ZNF236: variants seen among roughly 807,000 people sequenced by gnomAD.
ZNF236 encodes the protein zinc finger protein 236, also known as regulated by glucose.
Under a neutral mutation model 191.2 loss-of-function variants are expected in ZNF236, and 50 were observed. That is an observed-to-expected ratio of 0.26 (90% CI 0.21 to 0.33). The LOEUF is 0.33. ZNF236 is among the 10% of genes least tolerant of loss of function. The pLI is 1.00. For missense variants in ZNF236, 1,754 were observed against 2,374.5 expected (o/e 0.74, Z 5.43); for synonymous variants, 907 against 928.8 (o/e 0.98, Z 0.43).
intron 14 of ZNF236, among the ~76,000 whole-genome samples, chr18:76,909,384 A>G (rs1967155375): frequency 6.6e-6 from 1 of 151,188 alleles, no homozygotes; most frequent in Admixed American, 6.6e-5. Flanking sequence ...GTGACCTTTT[A>G]TCCCCGGTAT....
At chr18:76,860,203 G>A (rs1390927426) in intron 3 of ZNF236, among the ~76,000 whole-genome samples, 2 of 152,144 alleles carry the variant, frequency 1.3e-5, no homozygotes, top group Non-Finnish European at 2.9e-5. Flanking sequence ...CCTCTGTTAG[G>A]ATGACACAGG....
At chr18:76,918,625 G>C (rs1311685761) in intron 19 of ZNF236, among the ~76,000 whole-genome samples, 1 of 152,106 alleles carries the variant, frequency 6.6e-6, no homozygotes, top group Non-Finnish European at 1.5e-5. Flanking sequence ...ACGGGGTCTT[G>C]CTCTGTTGCC....
rs144300254 is a variant in ZNF236, at chr18:76,847,756, G to A, written c.56-1770G>A. Among the ~76,000 whole-genome samples the A allele has an allele frequency of 7.3e-3, 1,114 of 152,316 alleles. 12 individuals carry two copies. Among genetic ancestry groups the A allele is most frequent in the African/African-American group, 0.025 (1,041 of 41,570 alleles). On this transcript the variant is annotated intron_variant, in intron 1 of 30. Transcript: ENST00000320610. ...CTCCCAAAGTGCTGGGACTACAGGCGTGAGCCCCTCCGCCCGGCCCCAGCA... is the reference window on the plus strand; with the variant it reads ...CTCCCAAAGTGCTGGGACTACAGGCATGAGCCCCTCCGCCCGGCCCCAGCA...
intron 14 of ZNF236, among the ~76,000 whole-genome samples, chr18:76,909,264 G>A (rs914155584): frequency 4.8e-5 from 7 of 145,932 alleles, no homozygotes; most frequent in Non-Finnish European, 7.4e-5. Context: ...GCAGTGAGCC[G>A]AGATGGCGCC....
In ZNF236 at chr18:76,912,260, A is replaced by C. The variant is rs754985020; in HGVS notation, c.2822A>C (p.Gln941Pro). 3.7e-6 allele frequency: 6 copies of C among 1,613,938 alleles called. No individual in the cohort carries two copies. Among genetic ancestry groups the C allele is most frequent in the Non-Finnish European group, 4.2e-6 (5 of 1,179,932 alleles). Residue 941 changes from glutamine to proline, a missense_variant, in exon 17 of 31, where the codon CAG (glutamine) becomes CCG (proline). Physicochemically the swap from Gln to Pro is moderately conservative, Grantham distance 76. Transcript: ENST00000320610. The stretch of plus-strand genomic sequence containing the variant: ...AAATTTTAGACAACTCGCTTGATTC[A>C]GGAGTCATCCCAAGAGGAACTGGAC... ...DGMNVTTRLI[Q>P]ESSQEELDLQ...
At chr18:76,931,201 T>A (rs1599405477) in intron 25 of ZNF236, 1 of 152,194 alleles carries the variant, frequency 6.6e-6, no homozygotes, top group East Asian at 1.9e-4. Context: ...TCAGCTTCTC[T>A]CCCAGAGCAC....
intron 26 of ZNF236, among the ~76,000 whole-genome samples, chr18:76,945,576 A>T (rs1968238519): frequency 6.6e-6 from 1 of 152,244 alleles, no homozygotes; most frequent in African/African-American, 2.4e-5. Flanking sequence ...TCCTGAGGTC[A>T]GGAGTTCCAG....
intron 16 of ZNF236, among the ~76,000 whole-genome samples, chr18:76,911,188 A>T (rs1323712543): frequency 6.6e-6 from 1 of 152,224 alleles, no homozygotes; most frequent in Admixed American, 6.5e-5. Flanking sequence ...ATGAATGCTG[A>T]CGTTAAAAAA....
intron 27 of ZNF236, among the ~76,000 whole-genome samples, chr18:76,953,388 A>G (rs1968453750): frequency 6.6e-6 from 1 of 152,210 alleles, no homozygotes; most frequent in African/African-American, 2.4e-5. Flanking sequence ...GCCTAAGGCC[A>G]GGCTCCCACT....
rs1028566003 is a variant in ZNF236 at position 76,897,206 on chromosome 18, C to G, written c.1691-1813C>G. 2.6e-5 allele frequency among the ~76,000 whole-genome samples: 4 copies of G among 151,108 alleles called. No individual in the cohort carries two copies. The East Asian group carries it at 5.9e-4, about 22-fold the overall frequency. On this transcript the variant is annotated intron_variant, in intron 10 of 30. Coordinates refer to ENST00000320610, the MANE Select transcript of ZNF236 (RefSeq NM_001306089.2). ...CTGCCCACTGGTACCGCATAAAGTA[C>G]CAAACATAGTACTGCACACAGGTAC... is the stretch of plus-strand genomic sequence containing the variant.
chr18:76,938,768 C>T (rs1228364200), intron 26 of ZNF236, among the ~76,000 whole-genome samples: 2 of 152,154 alleles, frequency 1.3e-5, no homozygotes, highest in Non-Finnish European at 2.9e-5. Context: ...ACAGGGGCTC[C>T]CCTTTGGCTG....
chr18:76,877,917 AT>A, intron 6 of ZNF236, 91 bp from the exon 7 acceptor site: 1 of 1,025,002 alleles, frequency 9.8e-7, no homozygotes. Flanking sequence ...GTCATTTTGA[AT>A]GGAATGGTAA....
intron 6 of ZNF236, among the ~76,000 whole-genome samples, chr18:76,876,395 G>A (rs1976716415): frequency 6.6e-6 from 1 of 152,208 alleles, no homozygotes; most frequent in Non-Finnish European, 1.5e-5. Context: ...GGGAGCAAAT[G>A]TGTATCTCTT....
intron 27 of ZNF236, among the ~76,000 whole-genome samples, chr18:76,952,965 T>C (rs1968444182): frequency 6.6e-6 from 1 of 152,212 alleles, no homozygotes; most frequent in Non-Finnish European, 1.5e-5. Flanking sequence ...CTGGTGGCGT[T>C]GGAGCAGCTA....
chr18:76,946,253 C>A (rs1968258933), intron 26 of ZNF236, among the ~76,000 whole-genome samples: 1 of 152,196 alleles, frequency 6.6e-6, no homozygotes, highest in Non-Finnish European at 1.5e-5. Flanking sequence ...TTTCCCTGCA[C>A]AAGCTCTCCT....
chr18:76,968,569 C>T lies in ZNF236; in HGVS notation c.*230C>T, dbSNP rs555930908. On this transcript the variant is annotated 3_prime_UTR_variant, in exon 31 of 31. Transcript: ENST00000320610. ...GTCTACAAATCACTGAACTCAGGTA[C>T]TACTGTAGGCAGTTTCCTCCTCAGT... 7.8e-7 allele frequency: 1 copy of T among 1,289,956 alleles called. No homozygotes were observed. The highest frequency in any genetic ancestry group is 1.9e-5 in the South Asian group (1 of 52,210). The allele number at this position is 1,289,956 out of a possible 1,614,324, so 79.9% of individuals were successfully genotyped here. A position where few individuals can be genotyped will look rare whatever the true frequency, so the allele number is the denominator to read the frequency against.
intron 3 of ZNF236, among the ~76,000 whole-genome samples, chr18:76,861,158 C>CT (rs1568200114): frequency 1.3e-5 from 2 of 152,172 alleles, no homozygotes; most frequent in African/African-American, 4.8e-5. Context: ...TGTTGGCTCT[C>CT]TTTTTTCCAA....
chr18:76,907,530 T>C (rs1977776869), intron 13 of ZNF236, among the ~76,000 whole-genome samples: 2 of 152,200 alleles, frequency 1.3e-5, no homozygotes, highest in African/African-American at 4.8e-5. Context: ...GGTTTCACCA[T>C]GTTGGCCAGG....
At position 76,868,850 on chromosome 18, in the gene ZNF236, C is replaced by A; in HGVS notation, c.529C>A (p.His177Asn). ...SSELKEHMKT[H>N]YKIRVSSTRS... The stretch of plus-strand genomic sequence containing the variant: ...GGAGCTGAAGGAACACATGAAGACT[C>A]ATTACAAAATTAGGTATGAGTCATT... The change falls in exon 4 of 31, where the codon CAT (histidine) becomes AAT (asparagine). Residue 177 changes from histidine to asparagine, a missense_variant. Transcript: ENST00000320610. 1 of 1,603,824 alleles carries A rather than the reference C, an allele frequency of 6.2e-7. No individual in the cohort carries two copies. Among genetic ancestry groups the A allele is most frequent in the South Asian group, 1.1e-5 (1 of 89,588 alleles).
Sources: allele counts gnomAD v4.1 joint callset (sites outside exome capture counted in the v4.1 genomes callset), GRCh38; gene constraint gnomAD v4.1.1; transcripts MANE v1.5; gene names NCBI Gene and HGNC (gene_info 2026-07-23, HGNC 2026-07-21).